Variants in EP400 observed in about 807,000 individuals in gnomAD.
EP400 encodes E1A binding protein p400, also known as E1A-binding protein p400.
In EP400, 105 loss-of-function variants were observed where a neutral mutation model predicts 354.1. The observed-to-expected ratio is 0.30, with a 90% CI of 0.25 to 0.35. The LOEUF (loss-of-function observed/expected upper bound fraction) is 0.35. Ranked by LOEUF, EP400 falls within the 10% of genes least tolerant of loss-of-function variation. The probability of loss-of-function intolerance (pLI) is 1.00; values close to 1 mark genes in which losing one functional copy is unlikely to be tolerated. For missense variants in EP400, 3,280 were observed against 4,121.0 expected (o/e 0.80, Z 5.59); for synonymous variants, 1,646 against 1,716.9 (o/e 0.96, Z 1.02).
In EP400 at chr12:132,030,128, C is replaced by G; in HGVS notation, c.5724C>G (p.Ile1908Met). ...TCCATTACCTCACCTATGTAAGAAT[C>G]GATGAAAATGCCAGCAGTGAGCAAC... ...LNFHYLTYVR[I>M]DENASSEQRQ... is the part of the protein sequence containing the mutation. The change falls in exon 29 of 53, where the codon ATC becomes ATG. Residue 1908 changes from isoleucine (I) to methionine (M), a missense_variant. Coordinates refer to ENST00000389561, the MANE Select transcript of EP400 (RefSeq NM_015409.5). 1 of 1,614,120 alleles carries G rather than the reference C, an allele frequency of 6.2e-7. No individual in the cohort carries two copies. The highest frequency in any genetic ancestry group is 8.5e-7 in the Non-Finnish European group (1 of 1,180,030).
chr12:132,007,225 G>A (rs915001797), intron 15 of EP400, among the ~76,000 whole-genome samples: 9 of 152,254 alleles, frequency 5.9e-5, no homozygotes, highest in African/African-American at 2.2e-4. Flanking sequence ...CCGCCGTTGG[G>A]CTCTCAGCCG....
At chr12:132,062,821 T>C in intron 47 of EP400, 120 bp downstream of exon 47, 1 of 1,244,902 alleles carries the variant, frequency 8.0e-7, no homozygotes, top group East Asian at 2.5e-5. Context: ...CGTCTAGCAC[T>C]GCCTTTATGT....
chr12:131,986,167 G>T (rs1197833947), intron 5 of EP400, among the ~76,000 whole-genome samples: 3 of 151,536 alleles, frequency 2.0e-5, no homozygotes, highest in Non-Finnish European at 1.5e-5. Context: ...GTAGAGATGG[G>T]GTCTTTCTTT....
chr12:131,955,907 A>G (rs1482080200), intron 1 of EP400, among the ~76,000 whole-genome samples: 1 of 152,150 alleles, frequency 6.6e-6, no homozygotes, highest in African/African-American at 2.4e-5. Flanking sequence ...CGGCCTCCCA[A>G]AGTGCTGGGA....
rs368146980 is a variant in EP400, at chr12:132,064,659, G to A, written c.8335-9G>A. ...ATGTTGAAGAGAAGATACTTTGCTT[G>A]TATTTTAGGAACACCTCATCAAAAT... On this transcript the variant is annotated splice_polypyrimidine_tract_variant and intron_variant, in intron 47 of 52. Transcript: ENST00000389561. 1 of 1,608,634 alleles carries A rather than the reference G, an allele frequency of 6.2e-7. No homozygotes were observed. Among genetic ancestry groups the A allele is most frequent in the Non-Finnish European group, 8.5e-7 (1 of 1,176,102 alleles).
Position 132,067,415 on chromosome 12 carries a change from C to A in EP400, c.8803C>A (p.Gln2935Lys). The A allele has an allele frequency of 1.1e-5, 18 of 1,613,538 alleles. No individual in the cohort carries two copies. Among genetic ancestry groups the A allele is most frequent in the Non-Finnish European group, 1.4e-5 (17 of 1,180,044 alleles). ...CATGCAGCAGCTGCTGAAGCTGAAG[C>A]AGCAGGCCGTCCAGCAGCAGAAGGC... ...VHMQQLLKLK[Q>K]QAVQQQKAIQ... The change falls in exon 50 of 53, where the codon CAG becomes AAG. Residue 2935 changes from glutamine to lysine, a missense_variant. Around this residue, in one of 20 missense-constraint regions of EP400, gnomAD observed 279 missense variants for 386.7 expected, o/e 0.72. Coordinates refer to ENST00000389561, the MANE Select transcript of EP400 (RefSeq NM_015409.5). The surrounding 1 kb of genome is among the most constrained non-coding windows in gnomAD (Gnocchi z 5.3).
rs776566491 is a variant in EP400 at position 132,064,842 on chromosome 12, C to T, written c.8509C>T (p.Leu2837=). ...GGTCACGGCCCCAAGGCCTGGTGCC[C>T]TGCTGACGGGCACCACCGTGGCCAA... ...TTVTAPRPGA[L]LTGTTVANLQ... is the part of the protein sequence containing the mutation. The change falls in exon 48 of 53, where the codon CTG becomes TTG. Residue 2837 remains leucine, a synonymous_variant. Coordinates refer to ENST00000389561, the MANE Select transcript of EP400 (RefSeq NM_015409.5). The T allele has an allele frequency of 1.4e-5, 23 of 1,611,852 alleles. No homozygotes were observed. Among genetic ancestry groups the T allele is most frequent in the Middle Eastern group, 1.7e-4 (1 of 5,922 alleles).
chr12:131,980,925 A>G (rs1892660041), intron 3 of EP400, among the ~76,000 whole-genome samples: 1 of 152,244 alleles, frequency 6.6e-6, no homozygotes, highest in Admixed American at 6.5e-5. Context: ...TAGTTAAGTA[A>G]TAATGGTGCT....
chr12:132,055,839 T>G (rs1436631527), intron 45 of EP400, among the ~76,000 whole-genome samples: 3 of 151,704 alleles, frequency 2.0e-5, no homozygotes, highest in African/African-American at 4.9e-5. Flanking sequence ...CCGCTGCTGA[T>G]TCTATTGCCG....
At position 132,027,571 on chromosome 12, in the gene EP400, G is replaced by T. The variant is rs758891236; in HGVS notation, c.5109+40G>T. 2.0e-6 allele frequency: 3 copies of T among 1,530,290 alleles called. No homozygotes were observed. In the South Asian group the frequency reaches 3.6e-5, roughly 18 times the overall value. 94.8% of individuals were successfully genotyped at this position (1,530,290 alleles called of 1,614,324 possible). A position where few individuals can be genotyped will look rare whatever the true frequency, so the allele number is the denominator to read the frequency against. On this transcript the variant is annotated intron_variant, in intron 26 of 52. Coordinates refer to ENST00000389561, the MANE Select transcript of EP400 (RefSeq NM_015409.5). This position sits in a 1 kb window ranked among gnomAD's most constrained non-coding sequence, Gnocchi z 4.9. ...TTGAGACCCCGGTGCACGTGGACAGGTAGCTTTCCAAGAGCTGCTCGTTGT... is the reference window on the plus strand; with the variant it reads ...TTGAGACCCCGGTGCACGTGGACAGTTAGCTTTCCAAGAGCTGCTCGTTGT...
At chr12:131,997,448 T>C (rs1214617122) in intron 12 of EP400, among the ~76,000 whole-genome samples, 1 of 151,964 alleles carries the variant, frequency 6.6e-6, no homozygotes, top group Non-Finnish European at 1.5e-5. Flanking sequence ...TTGTGTTTTT[T>C]GTAGATACGG....
intron 1 of EP400, among the ~76,000 whole-genome samples, chr12:131,956,873 C>CTTTT (rs58567170): frequency 1.9e-4 from 22 of 115,358 alleles, no homozygotes; most frequent in Non-Finnish European, 2.8e-4. Context: ...TTTTTTTGTC[C>CTTTT]TTTTTTTTTT....
Position 132,055,163 on chromosome 12 carries a change from C to T in EP400, c.7839C>T (p.Ser2613=). Residue 2613 remains serine (S), a synonymous_variant, in exon 45 of 53, where the codon TCC becomes TCT. Transcript: ENST00000389561. ...IAGVPAATFQ[S]INKRLASPVA... is the part of the protein sequence containing the mutation. Reference sequence around the variant, plus strand: ...GGGTCCCAGCTGCCACCTTCCAGTCCATCAACAAGCGCCTGGCGTCGCCAG... The same window carrying T: ...GGGTCCCAGCTGCCACCTTCCAGTCTATCAACAAGCGCCTGGCGTCGCCAG... 1 of 1,596,910 alleles carries T rather than the reference C, an allele frequency of 6.3e-7. No homozygotes were observed. The highest frequency in any genetic ancestry group is 8.5e-7 in the Non-Finnish European group (1 of 1,171,360).
At chr12:132,007,263 G>T (rs978292158) in intron 15 of EP400, among the ~76,000 whole-genome samples, 1 of 152,220 alleles carries the variant, frequency 6.6e-6, no homozygotes, top group African/African-American at 2.4e-5. Flanking sequence ...CATGCATCTT[G>T]GCTCACTGTA....
intron 2 of EP400, among the ~76,000 whole-genome samples, chr12:131,965,322 C>T (rs1224361734): frequency 6.6e-6 from 1 of 152,154 alleles, no homozygotes; most frequent in African/African-American, 2.4e-5. Context: ...CCTGAATCTC[C>T]TTAAACTTTT....
At chr12:132,057,750 T>G (rs1053628522) in intron 45 of EP400, among the ~76,000 whole-genome samples, 1 of 152,230 alleles carries the variant, frequency 6.6e-6, no homozygotes, top group African/African-American at 2.4e-5. Flanking sequence ...CAGAAGCTGT[T>G]AGGCCTGAGG....
chr12:131,987,982 ACTTT>A, intron 7 of EP400, 92 bp downstream of exon 7: 4 of 628,582 alleles, frequency 6.4e-6, no homozygotes, highest in Non-Finnish European at 8.8e-6. Context: ...CTCCAGACCC[ACTTT>A]TTTTTTTTTT....
intron 1 of EP400, 77 bp from the exon 2 acceptor site, chr12:131,960,508 T>C: frequency 7.5e-7 from 1 of 1,339,396 alleles, no homozygotes; most frequent in South Asian, 1.5e-5. Context: ...TTTCAAAGTG[T>C]CTTTTCAGTG....
At chr12:132,014,020 G>A (rs148018438) in intron 19 of EP400, 107 bp downstream of exon 19, 83 of 1,483,570 alleles carry the variant, frequency 5.6e-5, no homozygotes, top group Middle Eastern at 1.9e-4. Context: ...AGGATTGGGT[G>A]TCTGGAGCTG....
Sources: allele counts gnomAD v4.1 joint callset (sites outside exome capture counted in the v4.1 genomes callset), GRCh38; gene constraint gnomAD v4.1.1; regional missense constraint gnomAD v4.1.1; non-coding constraint Gnocchi (gnomAD v3.1); transcripts MANE v1.5; gene names NCBI Gene and HGNC (gene_info 2026-07-23, HGNC 2026-07-21).